The following ETV6 variants were observed in gnomAD, a reference collection of about 807,000 sequenced individuals.
The protein encoded by ETV6 is ETS variant transcription factor 6.
In ETV6, 16 loss-of-function variants were observed where a neutral mutation model predicts 51.1. The observed-to-expected ratio is 0.31, with a 90% confidence interval of 0.21 to 0.48. The LOEUF (loss-of-function observed/expected upper bound fraction) is 0.48, where lower values mean the gene tolerates loss of function less well. Among genes scored for constraint, ETV6 ranks in the 20% least tolerant of loss-of-function variants. The pLI is 0.99. For missense variants in ETV6, 458 were observed against 594.8 expected (o/e 0.77, Z 2.39); for synonymous variants, 240 against 224.1 (o/e 1.07, Z -0.64).
At chr12:11,697,901 T>TAATG (rs1344896984) in intron 1 of ETV6, among the ~76,000 whole-genome samples, 3 of 152,116 alleles carry the variant, frequency 2.0e-5, no homozygotes, top group Non-Finnish European at 4.4e-5. Flanking sequence ...GCCCATAAGG[T>TAATG]AATGCAATTT....
chr12:11,726,467 A>C (rs936344351), intron 1 of ETV6, among the ~76,000 whole-genome samples: 4 of 152,228 alleles, frequency 2.6e-5, no homozygotes, highest in African/African-American at 7.2e-5. Context: ...GGGAGACACT[A>C]TAAATACACA....
chr12:11,778,047 C>T lies in ETV6; in HGVS notation c.163+25468C>T, dbSNP rs186013732. 2.6e-4 allele frequency among the ~76,000 whole-genome samples: 39 copies of T among 152,218 alleles called. 1 individual carries two copies. The East Asian group carries it at 5.2e-3, about 20-fold the overall frequency. On this transcript the variant is annotated intron_variant, in intron 2 of 7. Coordinates refer to ENST00000396373, the MANE Select transcript of ETV6 (RefSeq NM_001987.5). Reference sequence around the variant, plus strand: ...TTTATGAATGGGTGGATCTCACCTACGTGACCTGGAACTTCTCTGTTCTCA... The same window carrying T: ...TTTATGAATGGGTGGATCTCACCTATGTGACCTGGAACTTCTCTGTTCTCA...
intron 2 of ETV6, among the ~76,000 whole-genome samples, chr12:11,769,670 G>A (rs553412893): frequency 2.0e-5 from 3 of 152,236 alleles, no homozygotes; most frequent in African/African-American, 4.8e-5. Flanking sequence ...CATATTCCCC[G>A]TTTGAGCTTA....
chr12:11,830,376 C>G (rs76275756), intron 2 of ETV6, among the ~76,000 whole-genome samples: 1 of 152,220 alleles, frequency 6.6e-6, no homozygotes, highest in Non-Finnish European at 1.5e-5. Context: ...AAGCCTGGAG[C>G]TGGAGTTTTG....
At chr12:11,655,081 G>A (rs1177558083) in intron 1 of ETV6, among the ~76,000 whole-genome samples, 1 of 152,172 alleles carries the variant, frequency 6.6e-6, no homozygotes, top group Non-Finnish European at 1.5e-5. Flanking sequence ...GGGGCAAGGT[G>A]GGGGCACAGG....
At chr12:11,758,923 T>C (rs75456042) in intron 2 of ETV6, among the ~76,000 whole-genome samples, 1 of 152,240 alleles carries the variant, frequency 6.6e-6, no homozygotes, top group Admixed American at 6.5e-5. Context: ...ATCCAAATGC[T>C]TGAAGCTTTC....
chr12:11,885,886 C>A lies in ETV6; in HGVS notation c.1153-40C>A, dbSNP rs1947175877. The A allele has an allele frequency of 8.9e-6, 13 of 1,458,550 alleles. No homozygotes were observed. In the East Asian group the frequency reaches 3.0e-4, roughly 33 times the overall value. The allele number at this position is 1,458,550 out of a possible 1,614,324, so 90.4% of individuals were successfully genotyped here. Reference sequence around the variant, plus strand: ...TTTTCTGAGGTTCATTTCATTGTGTCTTTGTGCTTTTTTTCTCCCTTCCTC... The same window carrying A: ...TTTTCTGAGGTTCATTTCATTGTGTATTTGTGCTTTTTTTCTCCCTTCCTC... On this transcript the variant is annotated intron_variant, in intron 6 of 7. Transcript: ENST00000396373.
chr12:11,822,250 A>G (rs1025674818), intron 2 of ETV6, among the ~76,000 whole-genome samples: 2 of 152,212 alleles, frequency 1.3e-5, no homozygotes, highest in Admixed American at 1.3e-4. Context: ...AGTGCTCAGC[A>G]GTTAGACCCA....
At chr12:11,756,726 T>A (rs536604031) in intron 2 of ETV6, among the ~76,000 whole-genome samples, 1 of 151,892 alleles carries the variant, frequency 6.6e-6, no homozygotes, top group African/African-American at 2.4e-5. Flanking sequence ...CATGGGGGAG[T>A]GGCTGCTGAA....
At chr12:11,788,756 G>GTTTTTTTTTT (rs1336998892) in intron 2 of ETV6, among the ~76,000 whole-genome samples, 2 of 102,450 alleles carry the variant, frequency 2.0e-5, no homozygotes, top group Non-Finnish European at 4.4e-5. Flanking sequence ...GCTTGTATTG[G>GTTTTTTTTTT]TTTTTTTTTT....
At chr12:11,651,294 C>T (rs1480685105) in intron 1 of ETV6, among the ~76,000 whole-genome samples, 1 of 152,192 alleles carries the variant, frequency 6.6e-6, no homozygotes. Context: ...TTTTCTTCGT[C>T]TGTGGGGAGT....
chr12:11,730,769 T>C (rs971513956), intron 1 of ETV6, among the ~76,000 whole-genome samples: 2 of 152,174 alleles, frequency 1.3e-5, no homozygotes, highest in Non-Finnish European at 1.5e-5. Context: ...AGAGCAGAAG[T>C]AGAGGAATGG....
At chr12:11,877,166 A>T (rs1272734330) in intron 5 of ETV6, among the ~76,000 whole-genome samples, 1 of 152,208 alleles carries the variant, frequency 6.6e-6, no homozygotes, top group African/African-American at 2.4e-5. Context: ...AACTCCAGAG[A>T]AAGCAGTTTG....
At chr12:11,862,709 C>G (rs1198688442) in intron 4 of ETV6, among the ~76,000 whole-genome samples, 1 of 152,172 alleles carries the variant, frequency 6.6e-6, no homozygotes, top group Non-Finnish European at 1.5e-5. Flanking sequence ...TGACCTCATC[C>G]TAACTAATTA....
intron 1 of ETV6, among the ~76,000 whole-genome samples, chr12:11,670,916 G>T (rs930128169): frequency 2.0e-5 from 3 of 152,168 alleles, no homozygotes; most frequent in African/African-American, 4.8e-5. Context: ...AGAGTCACTA[G>T]CATTTTATTA....
chr12:11,739,195 G>T (rs531955738), intron 1 of ETV6, among the ~76,000 whole-genome samples: 10 of 152,176 alleles, frequency 6.6e-5, no homozygotes, highest in East Asian at 3.8e-4. Context: ...ACACCTTCAT[G>T]CCCTGTGTCC....
At chr12:11,860,571 AAAAAC>A (rs1254236197) in intron 4 of ETV6, among the ~76,000 whole-genome samples, 32 of 152,064 alleles carry the variant, frequency 2.1e-4, no homozygotes, top group African/African-American at 7.0e-4. Context: ...TCTCAAAAAA[AAAAAC>A]AAAACAAAAG....
At position 11,893,776 on chromosome 12, in the gene ETV6, T is replaced by C. The variant is rs1947334750; in HGVS notation, c.*2730T>C. The C allele has an allele frequency of 6.0e-6, 1 of 167,398 alleles. No individual in the cohort carries two copies. The highest frequency in any genetic ancestry group is 2.8e-5 in the African/African-American group (1 of 36,334). The allele number at this position is 167,398 out of a possible 1,614,324, so 10.4% of individuals were successfully genotyped here. ...ATTTTGTGTTTAGACTTTGTGTCCA[T>C]CCCCAAGATCTCTCATTTTATATAT... On this transcript the variant is annotated 3_prime_UTR_variant, in exon 8 of 8. Transcript: ENST00000396373.
chr12:11,665,166 C>A (rs1864172138), intron 1 of ETV6, among the ~76,000 whole-genome samples: 1 of 152,198 alleles, frequency 6.6e-6, no homozygotes, highest in South Asian at 2.1e-4. Flanking sequence ...TACCACCACA[C>A]TAGGCTAATT....
Sources: allele counts gnomAD v4.1 joint callset (sites outside exome capture counted in the v4.1 genomes callset), GRCh38; gene constraint gnomAD v4.1.1; transcripts MANE v1.5; gene names NCBI Gene and HGNC (gene_info 2026-07-23, HGNC 2026-07-21).